Variants in MDN1 observed in about 807,000 individuals in gnomAD.
MDN1 encodes midasin.
MDN1 carries 266 observed loss-of-function variants against 669.2 expected under a neutral mutation model. The ratio of observed to expected loss-of-function variants is 0.40; its 90% CI spans 0.36 to 0.44. MDN1 has a LOEUF of 0.44. Ranked by LOEUF, MDN1 falls within the 20% of genes least tolerant of loss-of-function variation. MDN1 has a pLI of 1.00. For missense variants in MDN1, 5,940 were observed against 6,754.0 expected, an observed-to-expected ratio of 0.88 and a Z score of 4.22; for synonymous variants, 2,385 against 2,457.1, an observed-to-expected ratio of 0.97 and a Z score of 0.87.
At chr6:89,714,466 G>T in intron 46 of MDN1, 77 bp downstream of exon 46, 1 of 1,224,244 alleles carries the variant, frequency 8.2e-7, no homozygotes, top group Non-Finnish European at 1.1e-6. Context: ...CGAAATCTTT[G>T]ATGAGCAGTC....
chr6:89,657,086 C>A (rs533905515), intron 90 of MDN1, among the ~76,000 whole-genome samples: 1 of 152,168 alleles, frequency 6.6e-6, no homozygotes, highest in Non-Finnish European at 1.5e-5. Flanking sequence ...ACAGGACAGA[C>A]CTCAATTAGA....
rs771084715 is a variant in MDN1, at chr6:89,685,978, A to C, written c.11573-5T>G. ...TCAAGGTCATCTGTTTGTCATCTTT[A>C]AAAATTCAAAGAGAAAAATATATAT... On this transcript the variant is annotated splice_region_variant and splice_polypyrimidine_tract_variant and intron_variant, in intron 69 of 101. Transcript: ENST00000369393. 1 of 1,607,854 alleles carries C rather than the reference A, an allele frequency of 6.2e-7. No individual in the cohort carries two copies. The highest frequency in any genetic ancestry group is 1.1e-5 in the South Asian group (1 of 89,432).
rs1812186265 is a variant in MDN1, at chr6:89,688,736, C to T, written c.11096G>A (p.Gly3699Glu). 1 of 1,614,138 alleles carries T rather than the reference C, an allele frequency of 6.2e-7. No homozygotes were observed. Among genetic ancestry groups the T allele is most frequent in the Non-Finnish European group, 8.5e-7 (1 of 1,180,024 alleles). The change falls in exon 66 of 102, where the codon GGG becomes GAG. Residue 3699 changes from glycine (G) to glutamate (E), a missense_variant. By Grantham distance (98) the Gly-to-Glu change is moderately conservative (BLOSUM62 -2). This residue lies in a region of MDN1 where 2,280 missense variants were observed against 2,576.3 expected (regional missense o/e 0.88). Transcript: ENST00000369393. ...ACTLSHNTLF[G>E]EAPSDLMVKP... is the part of the protein sequence containing the mutation. ...CACCATCAGGTCTGAGGGTGCCTCC[C>T]CAAAAAGAGTGTTATGGGAGAGGGT...
intron 29 of MDN1, among the ~76,000 whole-genome samples, chr6:89,744,971 T>A (rs2128317639): frequency 6.6e-6 from 1 of 150,588 alleles, no homozygotes; most frequent in South Asian, 2.1e-4. Context: ...GATCTTAGTT[T>A]CTTTTTTTTT....
intron 59 of MDN1, 61 bp from the exon 60 acceptor site, chr6:89,696,635 T>C (rs1812764295): frequency 1.5e-6 from 2 of 1,306,528 alleles, no homozygotes; most frequent in South Asian, 1.2e-5. Context: ...AGAAGCAGCA[T>C]TAGGGAACCT....
chr6:89,700,223 C>G lies in MDN1; in HGVS notation c.8710G>C (p.Glu2904Gln). ...KAKGLSLGFL[E>Q]KKHDEASSLS... is the part of the protein sequence containing the mutation. ...GAGGAAGCTTCATCATGCTTTTTCT[C>G]CAGAAAACCAAGTGAGAGTCCTTTG... The change falls in exon 57 of 102, where the codon GAG becomes CAG. Residue 2904 changes from glutamate (E) to glutamine (Q), a missense_variant. Around this residue, in one of 5 missense-constraint regions of MDN1, gnomAD observed 2,292 missense variants for 2,638.3 expected, o/e 0.87. Transcript: ENST00000369393. 1 of 1,614,160 alleles carries G rather than the reference C, an allele frequency of 6.2e-7. No homozygotes were observed. The highest frequency in any genetic ancestry group is 8.5e-7 in the Non-Finnish European group (1 of 1,180,026).
intron 51 of MDN1, among the ~76,000 whole-genome samples, chr6:89,708,109 C>T (rs1004431509): frequency 3.9e-5 from 6 of 152,070 alleles, no homozygotes; most frequent in African/African-American, 1.4e-4. Flanking sequence ...TAAGACCAGT[C>T]TGGGCAACAT....
chr6:89,815,504 G>C (rs191999358), intron 1 of MDN1: 12 of 266,956 alleles, frequency 4.5e-5, no homozygotes, highest in Middle Eastern at 1.2e-3. Context: ...AGTACCCCTG[G>C]GCCACTGCTA....
At chr6:89,650,412 CCA>C (rs1808769842) in intron 96 of MDN1, among the ~76,000 whole-genome samples, 1 of 152,154 alleles carries the variant, frequency 6.6e-6, no homozygotes, top group East Asian at 1.9e-4. Flanking sequence ...TTAGGTCCTT[CCA>C]GACACATTTT....
At chr6:89,779,724 C>T (rs1818558740) in intron 11 of MDN1, among the ~76,000 whole-genome samples, 1 of 152,128 alleles carries the variant, frequency 6.6e-6, no homozygotes, top group Admixed American at 6.5e-5. Context: ...ACATGTATTA[C>T]ATTCAATTAG....
chr6:89,680,833 A>G (rs80107899), intron 73 of MDN1, 82 bp from the exon 74 acceptor site: 56,980 of 1,414,758 alleles, frequency 0.04, 1,621 homozygotes, highest in South Asian at 0.13. Flanking sequence ...TAACTGTTGC[A>G]CACAAAAACA....
intron 51 of MDN1, among the ~76,000 whole-genome samples, chr6:89,708,051 C>T (rs781330393): frequency 6.6e-6 from 1 of 152,088 alleles, no homozygotes; most frequent in African/African-American, 2.4e-5. Flanking sequence ...CCTATAACCC[C>T]GGCACTTTGG....
chr6:89,757,979 T>C (rs758073683), intron 19 of MDN1, among the ~76,000 whole-genome samples: 2 of 151,808 alleles, frequency 1.3e-5, no homozygotes, highest in Admixed American at 6.6e-5. Flanking sequence ...ACCCAGGAGG[T>C]GGAGGTTGTG....
intron 65 of MDN1, among the ~76,000 whole-genome samples, chr6:89,689,218 T>C (rs569469836): frequency 6.6e-5 from 10 of 152,172 alleles, no homozygotes; most frequent in African/African-American, 1.9e-4. Context: ...TAAAGCAACA[T>C]TGGCCTAGAG....
intron 20 of MDN1, among the ~76,000 whole-genome samples, chr6:89,755,349 G>T (rs1349215445): frequency 1.4e-5 from 2 of 138,762 alleles, no homozygotes; most frequent in Admixed American, 1.5e-4. Flanking sequence ...TTTAAGACCA[G>T]CCTGCACAAC....
intron 1 of MDN1, among the ~76,000 whole-genome samples, chr6:89,813,006 T>C (rs1768543375): frequency 6.6e-6 from 1 of 152,006 alleles, no homozygotes; most frequent in Non-Finnish European, 1.5e-5. Context: ...AATGGCGCGA[T>C]CTCGGCTCAC....
chr6:89,664,073 G>C (rs1424333113), intron 85 of MDN1, among the ~76,000 whole-genome samples: 2 of 152,190 alleles, frequency 1.3e-5, no homozygotes, highest in South Asian at 2.1e-4. Context: ...TAGGCCTGAG[G>C]GGGGATCTAT....
intron 1 of MDN1, among the ~76,000 whole-genome samples, chr6:89,809,482 T>A (rs1768237250): frequency 2.0e-5 from 3 of 151,712 alleles, no homozygotes; most frequent in African/African-American, 7.3e-5. Context: ...AATACAAAAG[T>A]TAGCCAGGCT....
intron 44 of MDN1, among the ~76,000 whole-genome samples, 176 bp from the exon 45 acceptor site, chr6:89,715,945 C>A (rs1814341201): frequency 6.6e-6 from 1 of 152,220 alleles, no homozygotes; most frequent in Non-Finnish European, 1.5e-5. Context: ...TTCCTTCTCG[C>A]TTCCCTAGGC....
Sources: allele counts gnomAD v4.1 joint callset (sites outside exome capture counted in the v4.1 genomes callset), GRCh38; gene constraint gnomAD v4.1.1; regional missense constraint gnomAD v4.1.1; transcripts MANE v1.5; gene names NCBI Gene and HGNC (gene_info 2026-07-23, HGNC 2026-07-21).